Variants in RNGTT observed in about 807,000 individuals in gnomAD.
The protein encoded by RNGTT is RNA guanylyltransferase and 5'-phosphatase.
A neutral mutation model predicts 79.3 loss-of-function variants in RNGTT; 33 were observed. The observed-to-expected ratio is 0.42, with a 90% CI of 0.32 to 0.56. The LOEUF (loss-of-function observed/expected upper bound fraction) is 0.56, where lower values mean the gene tolerates loss of function less well. RNGTT is among the 20% of genes least tolerant of loss of function. RNGTT has a pLI of 0.17. For synonymous variants in RNGTT, 222 were observed against 235.9 expected (o/e 0.94, Z 0.54); for missense variants, 497 against 739.1 (o/e 0.67, Z 3.80).
At chr6:88,960,551 T>C (rs943857236) in intron 1 of RNGTT, among the ~76,000 whole-genome samples, 6 of 151,620 alleles carry the variant, frequency 4.0e-5, no homozygotes, top group East Asian at 1.9e-4. Flanking sequence ...CTGGCCAACA[T>C]GGTGAAACCC....
chr6:88,667,345 G>A (rs1302135773), intron 14 of RNGTT, among the ~76,000 whole-genome samples: 1 of 152,232 alleles, frequency 6.6e-6, no homozygotes, highest in Non-Finnish European at 1.5e-5. Context: ...TAGGCCAAGA[G>A]TCACTTGAAA....
chr6:88,654,126 A>C (rs974938480), intron 14 of RNGTT, among the ~76,000 whole-genome samples: 2 of 151,882 alleles, frequency 1.3e-5, no homozygotes, highest in Non-Finnish European at 2.9e-5. Context: ...CAGTAATCCC[A>C]AAATGCTCTG....
intron 13 of RNGTT, among the ~76,000 whole-genome samples, chr6:88,684,614 T>G (rs573916631): frequency 4.6e-5 from 7 of 152,272 alleles, no homozygotes; most frequent in African/African-American, 1.7e-4. Context: ...AAGTCAATCT[T>G]AAAAGCCTAA....
At chr6:88,835,959 C>T (rs1464268316) in intron 11 of RNGTT, among the ~76,000 whole-genome samples, 2 of 145,530 alleles carry the variant, frequency 1.4e-5, no homozygotes, top group South Asian at 4.4e-4. Context: ...TACAGCAAGA[C>T]TCTGTCTCTA....
At chr6:88,650,989 C>A (rs1159005189) in intron 14 of RNGTT, among the ~76,000 whole-genome samples, 1 of 152,020 alleles carries the variant, frequency 6.6e-6, no homozygotes, top group Non-Finnish European at 1.5e-5. Flanking sequence ...ATTCCCAATG[C>A]AAGAATTCTC....
chr6:88,905,676 G>A (rs867537093), intron 5 of RNGTT, among the ~76,000 whole-genome samples: 1 of 152,086 alleles, frequency 6.6e-6, no homozygotes, highest in Non-Finnish European at 1.5e-5. Flanking sequence ...AATAACAGAT[G>A]CTCAATAAAG....
chr6:88,729,429 C>T (rs954643972), intron 13 of RNGTT, among the ~76,000 whole-genome samples: 6 of 151,630 alleles, frequency 4.0e-5, no homozygotes, highest in African/African-American at 4.8e-5. Context: ...AAAAGAAGCC[C>T]CTTATGGGTC....
rs146079403 is a variant in RNGTT at position 88,792,061 on chromosome 6, T to A, written c.1338+9503A>T. 2.1e-3 allele frequency among the ~76,000 whole-genome samples: 320 copies of A among 152,314 alleles called. 8 individuals carry two copies. Among genetic ancestry groups the A allele is most frequent in the Admixed American group, 0.019 (292 of 15,306 alleles). On this transcript the variant is annotated intron_variant, in intron 12 of 15. Coordinates refer to ENST00000369485, the MANE Select transcript of RNGTT (RefSeq NM_003800.5). ...CAATGATACTAAATTCTAGTAGATA[T>A]GTTGCCTATTGAATAGTCTAAAAGT...
At chr6:88,734,052 A>G (rs1777204445) in intron 13 of RNGTT, among the ~76,000 whole-genome samples, 2 of 152,074 alleles carry the variant, frequency 1.3e-5, no homozygotes, top group South Asian at 4.1e-4. Flanking sequence ...AATATAAAAT[A>G]TTTTGCTTTT....
intron 13 of RNGTT, among the ~76,000 whole-genome samples, chr6:88,751,814 T>C (rs1777849796): frequency 6.6e-6 from 1 of 152,044 alleles, no homozygotes. Context: ...TTAATTTTTT[T>C]AAACAGAGGT....
intron 8 of RNGTT, among the ~76,000 whole-genome samples, chr6:88,867,032 G>A (rs1420721280): frequency 6.6e-6 from 1 of 152,138 alleles, no homozygotes; most frequent in African/African-American, 2.4e-5. Flanking sequence ...CTGGAAACTT[G>A]TCAAAAATGC....
At chr6:88,619,752 A>G (rs935790540) in intron 14 of RNGTT, among the ~76,000 whole-genome samples, 1 of 152,156 alleles carries the variant, frequency 6.6e-6, no homozygotes, top group Admixed American at 6.5e-5. Context: ...CAGAAGGTGG[A>G]TTTTTTAAAC....
At chr6:88,755,959 CA>C (rs1157096180) in intron 13 of RNGTT, among the ~76,000 whole-genome samples, 5,122 of 30,448 alleles carry the variant, frequency 0.17, 15 homozygotes, top group South Asian at 0.24. Context: ...GACTCCGTCT[CA>C]AAAAAAAAAA....
At chr6:88,771,303 A>ATGTGTGTG (rs373169358) in intron 12 of RNGTT, among the ~76,000 whole-genome samples, 153 of 82,418 alleles carry the variant, frequency 1.9e-3, no homozygotes, top group South Asian at 0.013. Flanking sequence ...GTATGTATGT[A>ATGTGTGTG]TGTGTGTGTG....
At chr6:88,731,841 A>G (rs1424323738) in intron 13 of RNGTT, among the ~76,000 whole-genome samples, 1 of 152,228 alleles carries the variant, frequency 6.6e-6, no homozygotes, top group East Asian at 1.9e-4. Context: ...GCTGTTGACC[A>G]GAAGCCTTAC....
chr6:88,929,393 C>T, intron 2 of RNGTT, 126 bp from the exon 3 acceptor site: 3 of 590,364 alleles, frequency 5.1e-6, no homozygotes, highest in Non-Finnish European at 9.0e-6. Context: ...TGTACTTTGC[C>T]CCTGAACAAT....
chr6:88,695,305 A>G (rs371463275), intron 13 of RNGTT, among the ~76,000 whole-genome samples: 3 of 152,174 alleles, frequency 2.0e-5, no homozygotes, highest in East Asian at 3.9e-4. Flanking sequence ...GAACTCAAAA[A>G]AACTCAAAAG....
intron 11 of RNGTT, among the ~76,000 whole-genome samples, chr6:88,819,190 T>C (rs1225307780): frequency 6.6e-6 from 1 of 152,170 alleles, no homozygotes; most frequent in Non-Finnish European, 1.5e-5. Context: ...AAAACTTAAA[T>C]ATATTTTTTG....
chr6:88,761,562 G>A (rs745929511), intron 13 of RNGTT, among the ~76,000 whole-genome samples: 4 of 151,952 alleles, frequency 2.6e-5, no homozygotes, highest in Non-Finnish European at 5.9e-5. Flanking sequence ...CCTTAAAGAA[G>A]GTATTGCAAT....
Sources: gnomAD v4.1 joint callset for allele counts (sites outside exome capture counted in the v4.1 genomes callset) on GRCh38, gnomAD v4.1.1 for gene constraint, MANE v1.5 for transcripts, NCBI Gene and HGNC (gene_info 2026-07-23, HGNC 2026-07-21) for gene names.